The following ZNF565 variants were observed in gnomAD, a reference collection of about 807,000 sequenced individuals.
ZNF565 encodes zinc finger protein 565.
ZNF565 carries 27 observed loss-of-function variants against 39.4 expected under a neutral mutation model. The observed-to-expected ratio is 0.69, with a 90% CI of 0.51 to 0.95. The LOEUF (loss-of-function observed/expected upper bound fraction) is 0.95, where lower values mean the gene tolerates loss of function less well. Ranked by LOEUF, ZNF565 falls within the 40% of genes least tolerant of loss-of-function variation. The pLI, the probability that ZNF565 is intolerant of heterozygous loss-of-function variation, is 0.00. For synonymous variants in ZNF565, 185 were observed against 216.6 expected, an observed-to-expected ratio of 0.85 and a Z score of 1.28; for missense variants, 524 against 621.1, an observed-to-expected ratio of 0.84 and a Z score of 1.66.
At chr19:36,209,615 ATG>A (rs2145362287) in intron 1 of ZNF565, among the ~76,000 whole-genome samples, 1 of 152,354 alleles carries the variant, frequency 6.6e-6, no homozygotes, top group Admixed American at 6.5e-5. Context: ...TTTTAGAACA[ATG>A]TGATTGTTTC....
rs141077810 is a variant in ZNF565 at position 36,208,637 on chromosome 19, A to G, written c.-66+5985T>C. ...GAAGCTACGTGCCTAAATGTTCCCC[A>G]TCTCTGCAATTCACAGACATTCTTT... is the stretch of plus-strand genomic sequence containing the variant. On this transcript the variant is annotated intron_variant, in intron 1 of 4. Coordinates refer to ENST00000304116, the MANE Select transcript of ZNF565 (RefSeq NM_152477.5). 2.6e-3 allele frequency among the ~76,000 whole-genome samples: 402 copies of G among 152,198 alleles called. 3 individuals carry two copies. The highest frequency in any genetic ancestry group is 9.0e-3 in the African/African-American group (372 of 41,528).
chr19:36,225,453 G>T (rs1344844791), intron 1 of ZNF565, among the ~76,000 whole-genome samples: 2 of 151,710 alleles, frequency 1.3e-5, no homozygotes, highest in African/African-American at 4.8e-5. Context: ...TAAAAGTTTT[G>T]TGTCTTAAGT....
At chr19:36,219,271 C>T (rs1280594188), upstream of ZNF565, among the ~76,000 whole-genome samples, 1 of 152,176 alleles carries the variant, frequency 6.6e-6, no homozygotes, top group Non-Finnish European at 1.5e-5. Context: ...ATCCTCCCAC[C>T]TCAGCCCCAC....
At position 36,245,796 on chromosome 19, in the gene ZNF565, C is replaced by G; in HGVS notation, c.-266G>C. 2 of 455,256 alleles carry G rather than the reference C, an allele frequency of 4.4e-6. No individual in the cohort carries two copies. Among genetic ancestry groups the G allele is most frequent in the Non-Finnish European group, 7.8e-6 (2 of 256,138 alleles). 28.2% of individuals were successfully genotyped at this position (455,256 alleles called of 1,614,324 possible). On this transcript the variant is annotated 5_prime_UTR_variant, in exon 1 of 5. Coordinates refer to the ZNF565 transcript ENST00000355114. This position sits in a 1 kb window ranked among gnomAD's most constrained non-coding sequence, Gnocchi z 4.4. ...GGAGGGCTCGGTGCCGGAGGCTACT[C>G]TTGAGTCCCGGTTCCTTCGCCCAGC...
intron 1 of ZNF565, chr19:36,236,265 T>G: frequency 1.4e-6 from 1 of 732,428 alleles, no homozygotes; most frequent in Non-Finnish European, 2.1e-6. Flanking sequence ...ATATACTGAG[T>G]ATGATAACAT....
upstream of ZNF565, among the ~76,000 whole-genome samples, chr19:36,219,286 G>A (rs1241298686): frequency 3.3e-5 from 5 of 152,042 alleles, no homozygotes; most frequent in East Asian, 1.9e-4. Context: ...CCCCACCCCC[G>A]CAGTGGTTGG....
At chr19:36,213,296 G>A (rs1449814849) in intron 1 of ZNF565, 1 of 152,196 alleles carries the variant, frequency 6.6e-6, no homozygotes, top group Non-Finnish European at 1.5e-5. Context: ...CTGCAGCCTT[G>A]ACCTCTCAAG....
chr19:36,182,820 C>CGCCAG lies in ZNF565; in HGVS notation c.1145_1146insCTGGC (p.Gln382HisfsTer55), dbSNP rs760430554. On this transcript the variant is annotated frameshift_variant, in exon 5 of 5. Transcript: ENST00000304116. LOFTEE classifies it high-confidence loss of function. ...AGGGTCTGTCGCCAGTATGGACTCT[C>CGCCAG]TGATGTCGTGTGAGCTGTGCGTGCT... is the stretch of plus-strand genomic sequence containing the variant. 1 of 1,614,014 alleles carries CGCCAG rather than the reference C, an allele frequency of 6.2e-7. No homozygotes were observed. Among genetic ancestry groups the CGCCAG allele is most frequent in the African/African-American group, 1.3e-5 (1 of 74,910 alleles).
At chr19:36,190,117 C>T (rs952656079) in intron 4 of ZNF565, among the ~76,000 whole-genome samples, 5 of 151,876 alleles carry the variant, frequency 3.3e-5, no homozygotes, top group Admixed American at 2.0e-4. Context: ...CAGGTGTGTG[C>T]CACCGCGCCC....
In ZNF565 at chr19:36,245,431, T is replaced by G; in HGVS notation, c.55+45A>C. On this transcript the variant is annotated intron_variant, in intron 1 of 4. Coordinates refer to the ZNF565 transcript ENST00000355114. The surrounding 1 kb of genome is among the most constrained non-coding windows in gnomAD (Gnocchi z 4.4). ...GCGCTTACGACGCCCACCCAGAAAATCCGGATCACATTTCCCGTGGTCCAC... is the reference window on the plus strand; with the variant it reads ...GCGCTTACGACGCCCACCCAGAAAAGCCGGATCACATTTCCCGTGGTCCAC... 3 of 701,748 alleles carry G rather than the reference T, an allele frequency of 4.3e-6. No individual in the cohort carries two copies. Among genetic ancestry groups the G allele is most frequent in the Non-Finnish European group, 7.8e-6 (3 of 384,562 alleles). The allele number at this position is 701,748 out of a possible 1,614,324, so 43.5% of individuals were successfully genotyped here. A position where few individuals can be genotyped will look rare whatever the true frequency, so the allele number is the denominator to read the frequency against.
intron 1 of ZNF565, among the ~76,000 whole-genome samples, chr19:36,224,980 A>G (rs1472267631): frequency 6.6e-6 from 1 of 151,798 alleles, no homozygotes; most frequent in East Asian, 1.9e-4. Flanking sequence ...TGCTTTCCTT[A>G]GTTATTTGTA....
chr19:36,243,152 G>C (rs1568440913), intron 1 of ZNF565, among the ~76,000 whole-genome samples: 1 of 152,156 alleles, frequency 6.6e-6, no homozygotes, highest in Non-Finnish European at 1.5e-5. Context: ...TCCTGCCTCA[G>C]CCTCTTGAGT....
At chr19:36,183,791 A>T (rs1975181344) in intron 4 of ZNF565, 58 bp from the exon 5 acceptor site, 1 of 1,500,138 alleles carries the variant, frequency 6.7e-7, no homozygotes. Context: ...AGAAATAAAA[A>T]ATTCTATAGT....
At chr19:36,198,925 TGTA>T (rs1292241601) in intron 2 of ZNF565, among the ~76,000 whole-genome samples, 1 of 151,954 alleles carries the variant, frequency 6.6e-6, no homozygotes, top group Admixed American at 6.6e-5. Flanking sequence ...AAATAAAGAG[TGTA>T]ACTGGATTGT....
chr19:36,243,391 G>A (rs981206596), intron 1 of ZNF565, among the ~76,000 whole-genome samples: 1 of 152,054 alleles, frequency 6.6e-6, no homozygotes. Flanking sequence ...GGCCAAGATG[G>A]GATAAGCACA....
At chr19:36,205,141 T>C (rs1976104718) in intron 1 of ZNF565, among the ~76,000 whole-genome samples, 1 of 152,072 alleles carries the variant, frequency 6.6e-6, no homozygotes, top group Non-Finnish European at 1.5e-5. Flanking sequence ...AAAGTTAGGT[T>C]CTTTGGGAAG....
At chr19:36,206,677 A>G (rs558241545) in intron 1 of ZNF565, among the ~76,000 whole-genome samples, 215 of 152,126 alleles carry the variant, frequency 1.4e-3, no homozygotes, top group African/African-American at 5.0e-3. Context: ...CTAAAAATAC[A>G]AAAAATTAGC....
rs1454246410 is a variant in ZNF565 at position 36,194,236 on chromosome 19, G to A, written c.229C>T (p.Pro77Ser). 1 of 1,610,550 alleles carries A rather than the reference G, an allele frequency of 6.2e-7. No individual in the cohort carries two copies. The highest frequency in any genetic ancestry group is 8.5e-7 in the Non-Finnish European group (1 of 1,178,392). The change falls in exon 4 of 5, where the codon CCA (proline) becomes TCA (serine). Residue 77 changes from proline (P) to serine (S), a missense_variant. Physicochemically the swap from Pro to Ser is moderately conservative, Grantham distance 74. Transcript: ENST00000304116. ...IANDVTGPWC[P>S]DLESRCEKFL... ...GTCGAAATCGGCCCTCGCTTACCTG[G>A]GCACCATGGTCCTGTCACATCATTT...
At chr19:36,192,169 A>C (rs1234785361) in intron 4 of ZNF565, among the ~76,000 whole-genome samples, 1 of 151,932 alleles carries the variant, frequency 6.6e-6, no homozygotes, top group Non-Finnish European at 1.5e-5. Context: ...TTATATTTTC[A>C]GTAGAGACGG....
Sources: gnomAD v4.1 joint callset for allele counts (sites outside exome capture counted in the v4.1 genomes callset) on GRCh38, gnomAD v4.1.1 for gene constraint, Gnocchi (gnomAD v3.1) non-coding constraint, MANE v1.5 for transcripts, NCBI Gene and HGNC (gene_info 2026-07-23, HGNC 2026-07-21) for gene names.